AKAP19: variants seen among roughly 807,000 people sequenced by gnomAD.
AKAP19 encodes the protein A-kinase anchoring protein 19, also known as small A-kinase anchoring protein.
chr2:190,115,274 TATATATATATATATATATATATA>T, the AKAP19 span, among the ~76,000 whole-genome samples: 2 of 3,878 alleles, frequency 5.2e-4, no homozygotes, highest in Non-Finnish European at 1.2e-3. Context: ...TATATATATA[TATATATATATATATATATATATA>T]TATATTTTTT....
At chr2:189,913,476 C>T in the AKAP19 span, among the ~76,000 whole-genome samples, 3 of 151,996 alleles carry the variant, frequency 2.0e-5, no homozygotes, top group South Asian at 2.1e-4. Flanking sequence ...TAAACAAAAG[C>T]CCTCCTAAAA....
At chr2:189,928,814 A>G in the AKAP19 span, among the ~76,000 whole-genome samples, 1 of 152,182 alleles carries the variant, frequency 6.6e-6, no homozygotes, top group Non-Finnish European at 1.5e-5. Context: ...ATGCAGCTCA[A>G]CATAAAATAA....
the AKAP19 span, among the ~76,000 whole-genome samples, chr2:190,112,931 G>T: frequency 1.3e-5 from 2 of 151,850 alleles, no homozygotes; most frequent in Non-Finnish European, 2.9e-5. Flanking sequence ...ATTTTAGCAG[G>T]TCTTTTTTTT....
the AKAP19 span, chr2:190,200,187 G>C: frequency 6.4e-7 from 1 of 1,568,646 alleles, no homozygotes. Flanking sequence ...GGAGGTGCTA[G>C]TTTGAATAAA....
At chr2:190,167,521 A>G in the AKAP19 span, among the ~76,000 whole-genome samples, 3 of 152,252 alleles carry the variant, frequency 2.0e-5, no homozygotes, top group African/African-American at 7.2e-5. Flanking sequence ...GTCCACAGCC[A>G]AAATGAGACT....
At chr2:190,122,763 T>C in the AKAP19 span, among the ~76,000 whole-genome samples, 1 of 152,122 alleles carries the variant, frequency 6.6e-6, no homozygotes, top group African/African-American at 2.4e-5. Context: ...ATTGACATGG[T>C]AATGCTCAGA....
At chr2:190,187,543 G>T in the AKAP19 span, among the ~76,000 whole-genome samples, 3 of 151,930 alleles carry the variant, frequency 2.0e-5, no homozygotes, top group South Asian at 6.2e-4. Context: ...CAGAATGGAG[G>T]AACACAGCTA....
the AKAP19 span, among the ~76,000 whole-genome samples, chr2:189,950,450 A>G: frequency 7.9e-5 from 12 of 151,756 alleles, no homozygotes; most frequent in Non-Finnish European, 1.5e-4. Context: ...TGAAGAGTCA[A>G]TTAGGATTAG....
the AKAP19 span, among the ~76,000 whole-genome samples, chr2:190,052,480 G>A: frequency 6.6e-6 from 1 of 152,098 alleles, no homozygotes; most frequent in African/African-American, 2.4e-5. Flanking sequence ...TTTCTTGTAT[G>A]GACATGTTTT....
chr2:189,888,081 TG>T, the AKAP19 span, among the ~76,000 whole-genome samples: 2 of 152,260 alleles, frequency 1.3e-5, no homozygotes, highest in Non-Finnish European at 2.9e-5. Context: ...AGGGTTTTTA[TG>T]GTTTTAGGTC....
the AKAP19 span, among the ~76,000 whole-genome samples, chr2:189,925,169 C>T: frequency 1.3e-5 from 2 of 152,106 alleles, no homozygotes; most frequent in Non-Finnish European, 2.9e-5. Context: ...ACAAACAGAC[C>T]TATGAACATG....
At chr2:189,923,514 A>G in the AKAP19 span, 1 of 1,613,884 alleles carries the variant, frequency 6.2e-7, no homozygotes, top group South Asian at 1.1e-5. Context: ...TATGTTAATG[A>G]GAGAAATGCC....
the AKAP19 span, among the ~76,000 whole-genome samples, chr2:189,942,349 C>T: frequency 8.5e-5 from 13 of 152,100 alleles, no homozygotes; most frequent in African/African-American, 2.2e-4. Flanking sequence ...GTAAGCTTCC[C>T]GAGGCTCCCC....
the AKAP19 span, among the ~76,000 whole-genome samples, chr2:190,083,805 C>T: frequency 6.6e-6 from 1 of 152,264 alleles, no homozygotes; most frequent in South Asian, 2.1e-4. Context: ...TACTCCCATG[C>T]CTCTTTGGGC....
the AKAP19 span, among the ~76,000 whole-genome samples, chr2:189,909,202 C>T: frequency 6.6e-6 from 1 of 151,384 alleles, no homozygotes; most frequent in Non-Finnish European, 1.5e-5. Context: ...TTGCCATTTG[C>T]ATATAATATA....
the AKAP19 span, among the ~76,000 whole-genome samples, chr2:189,948,090 T>C: frequency 6.6e-6 from 1 of 152,188 alleles, no homozygotes; most frequent in African/African-American, 2.4e-5. Flanking sequence ...GGTAAGTACA[T>C]TGTAGGCAGT....
chr2:190,096,811 T>C, the AKAP19 span, among the ~76,000 whole-genome samples: 3,869 of 152,096 alleles, frequency 0.025, 177 homozygotes, highest in African/African-American at 0.088. Context: ...GTGTATAATA[T>C]CTAGTGAGGG....
chr2:189,887,149 C>T, the AKAP19 span, among the ~76,000 whole-genome samples: 1 of 152,128 alleles, frequency 6.6e-6, no homozygotes, highest in African/African-American at 2.4e-5. Flanking sequence ...TAGCCTCCCA[C>T]CCGCTGACAG....
the AKAP19 span, among the ~76,000 whole-genome samples, chr2:190,076,473 G>C: frequency 1.3e-5 from 2 of 152,102 alleles, no homozygotes; most frequent in Non-Finnish European, 2.9e-5. Flanking sequence ...TTTACTTCAG[G>C]ATTGTTGGGA....
Sources: allele counts gnomAD v4.1 joint callset (sites outside exome capture counted in the v4.1 genomes callset), GRCh38; gene constraint gnomAD v4.1.1; transcripts MANE v1.5; gene names NCBI Gene and HGNC (gene_info 2026-07-23, HGNC 2026-07-21).